The following IL10RB variants were observed in gnomAD, a reference collection of about 807,000 sequenced individuals.
IL10RB encodes the protein interleukin-10 receptor subunit beta.
IL10RB carries 30 observed loss-of-function variants against 38.7 expected under a neutral mutation model. That is an observed-to-expected ratio of 0.78 (90% CI 0.58 to 1.05). IL10RB has a LOEUF of 1.05. Among genes scored for constraint, IL10RB ranks in the 50% least tolerant of loss-of-function variants. The pLI is 0.00. For missense variants in IL10RB, 328 were observed against 397.1 expected, an observed-to-expected ratio of 0.83 and a Z score of 1.48; for synonymous variants, 142 against 145.9, an observed-to-expected ratio of 0.97 and a Z score of 0.19.
chr21:33,268,341 G>T, intron 1 of IL10RB, 53 bp from the exon 2 acceptor site: 1 of 1,612,714 alleles, frequency 6.2e-7, no homozygotes, highest in South Asian at 1.1e-5. Flanking sequence ...GCTTTTTCAT[G>T]GGCATCTGTT....
intron 2 of IL10RB, among the ~76,000 whole-genome samples, chr21:33,268,948 T>C (rs1420081503): frequency 4.6e-5 from 7 of 152,136 alleles, no homozygotes; most frequent in Non-Finnish European, 1.5e-5. Flanking sequence ...GAAACTGAGA[T>C]ATGCAAAGCG....
chr21:33,300,493 T>C (rs945485613), downstream of IL10RB, among the ~76,000 whole-genome samples: 1 of 150,226 alleles, frequency 6.7e-6, no homozygotes, highest in African/African-American at 2.4e-5. Context: ...ATGACAATTA[T>C]ACATGCAGAT....
chr21:33,276,515 C>T (rs191248435), intron 2 of IL10RB, 81 bp from the exon 3 acceptor site: 6 of 1,121,100 alleles, frequency 5.4e-6, no homozygotes, highest in Non-Finnish European at 6.8e-6. Flanking sequence ...CGCCGCCCCC[C>T]CCTCCAAATT....
At chr21:33,280,056 C>T (rs558368896) in intron 4 of IL10RB, 138 bp downstream of exon 4, 2 of 785,524 alleles carry the variant, frequency 2.5e-6, no homozygotes, top group Non-Finnish European at 4.5e-6. Context: ...GTATCTCTGG[C>T]TCAAGCTTCC....
intron 6 of IL10RB, among the ~76,000 whole-genome samples, chr21:33,289,079 G>A (rs2123594162): frequency 6.6e-6 from 1 of 152,342 alleles, no homozygotes; most frequent in South Asian, 2.1e-4. Context: ...TCTCGAGCTG[G>A]GGTGGCCCTT....
chr21:33,300,947 A>T, downstream of IL10RB, among the ~76,000 whole-genome samples: 1 of 152,224 alleles, frequency 6.6e-6, no homozygotes. Context: ...CTGCCGCAGG[A>T]AACTTAATCC....
downstream of IL10RB, among the ~76,000 whole-genome samples, chr21:33,297,877 T>G (rs960630451): frequency 6.6e-6 from 1 of 152,044 alleles, no homozygotes; most frequent in Non-Finnish European, 1.5e-5. Flanking sequence ...GGAAGGGTAT[T>G]AGGGTTCTCC....
chr21:33,286,572 C>T (rs1601834731), intron 5 of IL10RB, among the ~76,000 whole-genome samples: 4 of 152,038 alleles, frequency 2.6e-5, no homozygotes, highest in Admixed American at 6.5e-5. Context: ...GGAAAAGGGC[C>T]GAGTTCCATT....
At chr21:33,277,181 G>A (rs1272624935) in intron 3 of IL10RB, among the ~76,000 whole-genome samples, 1 of 152,058 alleles carries the variant, frequency 6.6e-6, no homozygotes, top group Non-Finnish European at 1.5e-5. Flanking sequence ...TGCCCAGAGC[G>A]AAGGACAGAG....
exon 2 of IL10RB, chr21:33,309,268 CAGGTCCT>C (rs1444244621): frequency 2.0e-5 from 3 of 152,200 alleles, no homozygotes; most frequent in Admixed American, 6.5e-5. Flanking sequence ...GTGTGTGATC[CAGGTCCT>C]AGGATTGACA....
At chr21:33,305,262 C>T (rs949251199) in intron 1 of IL10RB, among the ~76,000 whole-genome samples, 2 of 152,156 alleles carry the variant, frequency 1.3e-5, no homozygotes, top group African/African-American at 2.4e-5. Flanking sequence ...ATGCGCACCA[C>T]CACGACAGGC....
exon 2 of IL10RB, chr21:33,309,499 C>A (rs1392093302): frequency 6.6e-6 from 1 of 152,172 alleles, no homozygotes; most frequent in Admixed American, 6.5e-5. Flanking sequence ...GGTTCATAAT[C>A]TTTTATTACC....
In IL10RB at chr21:33,296,426, G is replaced by A; in HGVS notation, c.*69G>A. ...CCATCTCACATCTGCCTCAGTGAGGGATCAGGGCAGCAAACAAGGGCCAAG... is the reference window on the plus strand; with the variant it reads ...CCATCTCACATCTGCCTCAGTGAGGAATCAGGGCAGCAAACAAGGGCCAAG... On this transcript the variant is annotated 3_prime_UTR_variant, in exon 7 of 7. Coordinates refer to ENST00000290200, the MANE Select transcript of IL10RB (RefSeq NM_000628.5). The A allele has an allele frequency of 6.7e-7, 1 of 1,496,642 alleles. No individual in the cohort carries two copies. Among genetic ancestry groups the A allele is most frequent in the Non-Finnish European group, 9.2e-7 (1 of 1,087,618 alleles). The allele number at this position is 1,496,642 out of a possible 1,614,324, so 92.7% of individuals were successfully genotyped here. A position where few individuals can be genotyped will look rare whatever the true frequency, so the allele number is the denominator to read the frequency against.
At chr21:33,301,039 G>A (rs547311008), downstream of IL10RB, among the ~76,000 whole-genome samples, 22 of 152,170 alleles carry the variant, frequency 1.4e-4, no homozygotes, top group Non-Finnish European at 2.5e-4. Flanking sequence ...GATGGGCAGA[G>A]GGTCATTCAG....
At chr21:33,298,253 A>G (rs2082975655), downstream of IL10RB, among the ~76,000 whole-genome samples, 1 of 152,176 alleles carries the variant, frequency 6.6e-6, no homozygotes, top group Non-Finnish European at 1.5e-5. Context: ...AAAATTAACC[A>G]TCATAGGGAG....
chr21:33,305,358 T>C (rs1339057421), intron 1 of IL10RB, among the ~76,000 whole-genome samples: 2 of 152,038 alleles, frequency 1.3e-5, no homozygotes, highest in Admixed American at 1.3e-4. Flanking sequence ...GATCCTCCCA[T>C]CTCGGCCTCT....
At chr21:33,302,753 G>A (rs886602145) in intron 1 of IL10RB, among the ~76,000 whole-genome samples, 1 of 152,322 alleles carries the variant, frequency 6.6e-6, no homozygotes, top group Admixed American at 6.5e-5. Context: ...GAAGAAAGTC[G>A]AGGGGGGGAT....
In IL10RB at chr21:33,266,383, G is replaced by A. The variant is rs1007470904; in HGVS notation, c.-83G>A. The A allele has an allele frequency of 2.7e-6, 4 of 1,480,852 alleles. No homozygotes were observed. Among genetic ancestry groups the A allele is most frequent in the Non-Finnish European group, 3.6e-6 (4 of 1,101,518 alleles). The allele number at this position is 1,480,852 out of a possible 1,614,324, so 91.7% of individuals were successfully genotyped here. The stretch of plus-strand genomic sequence containing the variant: ...GCCCCGCCCATCTCCGCTGGTTCCC[G>A]GAAGCCGCCGCGGACAAGCTCTCCC... On this transcript the variant is annotated 5_prime_UTR_variant, in exon 1 of 7. Coordinates refer to ENST00000290200, the MANE Select transcript of IL10RB (RefSeq NM_000628.5).
downstream of IL10RB, among the ~76,000 whole-genome samples, chr21:33,300,210 T>C (rs7279933): frequency 0.61 from 93,081 of 151,966 alleles, 28,764 homozygotes; most frequent in East Asian, 0.76. Context: ...GAGGCCGAGG[T>C]GGGTGGATCA....
Sources: allele counts gnomAD v4.1 joint callset (sites outside exome capture counted in the v4.1 genomes callset), GRCh38; gene constraint gnomAD v4.1.1; transcripts MANE v1.5; gene names NCBI Gene and HGNC (gene_info 2026-07-23, HGNC 2026-07-21).